Variants in DMD observed in about 807,000 individuals in gnomAD.
DMD encodes mutant dystrophin.
Under a neutral mutation model 330.1 loss-of-function variants are expected in DMD, and 63 were observed. That is an observed-to-expected ratio of 0.19 (90% CI 0.16 to 0.24). The LOEUF is 0.24. DMD is among the 10% of genes least tolerant of loss of function. The pLI, the probability that DMD is intolerant of heterozygous loss-of-function variation, is 1.00. For synonymous variants in DMD, 1,223 were observed against 959.8 expected, an observed-to-expected ratio of 1.27 and a Z score of -5.07; for missense variants, 3,344 against 2,684.1, an observed-to-expected ratio of 1.25 and a Z score of -5.43.
chrX:32,524,597 T>C (rs1189943473), intron 17 of DMD, among the ~76,000 whole-genome samples: 1 of 112,349 alleles, frequency 8.9e-6, no homozygotes. Flanking sequence ...ATATTGGTTA[T>C]CTCCACACAA....
chrX:32,151,937 A>G (rs2096805750), intron 44 of DMD, among the ~76,000 whole-genome samples: 2 of 112,019 alleles, frequency 1.8e-5, no homozygotes, highest in Non-Finnish European at 3.8e-5. Flanking sequence ...AGTATCTAAT[A>G]ACTGCTTCTT....
intron 4 of DMD, among the ~76,000 whole-genome samples, chrX:32,827,064 C>T (rs1429390461): frequency 1.5e-5 from 1 of 66,173 alleles, no homozygotes; most frequent in Non-Finnish European, 2.9e-5. Context: ...GCACCCCCCC[C>T]CCACACACAC....
chrX:32,567,146 G>A (rs760523142), intron 15 of DMD, among the ~76,000 whole-genome samples: 7 of 111,396 alleles, frequency 6.3e-5, no homozygotes, highest in Non-Finnish European at 1.1e-4. Context: ...TGCTCTAGTG[G>A]CTCCTTCAAT....
chrX:31,605,851 T>C (rs2077584440), intron 55 of DMD, among the ~76,000 whole-genome samples: 1 of 112,079 alleles, frequency 8.9e-6, no homozygotes, highest in Non-Finnish European at 1.9e-5. Flanking sequence ...CAGTGAAAAG[T>C]AGATTTTGGT....
intron 1 of DMD, among the ~76,000 whole-genome samples, chrX:33,295,579 G>A (rs1168609885): frequency 9.0e-6 from 1 of 111,344 alleles, no homozygotes; most frequent in Admixed American, 9.6e-5. Flanking sequence ...CAAGGTAAAT[G>A]AGTAAAAACT....
At chrX:32,687,579 A>C (rs1427747946) in intron 9 of DMD, among the ~76,000 whole-genome samples, 1 of 110,751 alleles carries the variant, frequency 9.0e-6, no homozygotes, top group African/African-American at 3.3e-5. Flanking sequence ...CAGATTAAAT[A>C]AGGCCACATA....
chrX:32,725,584 TACA>T (rs1025845633), intron 7 of DMD, among the ~76,000 whole-genome samples: 5 of 110,423 alleles, frequency 4.5e-5, no homozygotes, highest in African/African-American at 1.6e-4. Flanking sequence ...AGCAAAAGGA[TACA>T]ACAATTGCAA....
At chrX:33,013,748 T>C (rs2093744967) in intron 2 of DMD, among the ~76,000 whole-genome samples, 1 of 112,865 alleles carries the variant, frequency 8.9e-6, no homozygotes, top group African/African-American at 3.2e-5. Flanking sequence ...TTTGTCCCAG[T>C]ATCATCCTTT....
rs181284440 is a variant in DMD at position 31,479,069 on chromosome X, A to G, written c.8582T>C (p.Val2861Ala). 3.0e-5 allele frequency: 36 copies of G among 1,207,558 alleles called. No homozygotes were observed. In the East Asian group the frequency reaches 8.6e-4, roughly 29 times the overall value. The change falls in exon 58 of 79, where the codon GTA (valine) becomes GCA (alanine). Residue 2861 changes from valine (V) to alanine (A), a missense_variant. Coordinates refer to ENST00000357033, the MANE Select transcript of DMD (RefSeq NM_004006.3). ...TACAGTCTCAAGAGTACTCATGATT[A>G]CAGGTTCTTTAGTTTTCAATTCCCT... ...FKRELKTKEP[V>A]IMSTLETVRI...
chrX:32,394,916 C>CAAAACAAAAAAAAAAAAAA lies in DMD; in HGVS notation c.4234-4736_4234-4735insTTTTTTTTTTTTTTGTTTT, dbSNP rs2098030291. Among the ~76,000 whole-genome samples, 51 of 38,958 alleles carry CAAAACAAAAAAAAAAAAAA rather than the reference C, an allele frequency of 1.3e-3. 2 individuals are homozygous for CAAAACAAAAAAAAAAAAAA. Among genetic ancestry groups the CAAAACAAAAAAAAAAAAAA allele is most frequent in the East Asian group, 3.3e-3 (2 of 604 alleles). The allele number at this position is 38,958 out of a possible 115,157, so 33.8% of individuals were successfully genotyped here. Reference sequence around the variant, plus strand: ...CAAAGAAGAGCAAAAAACAAAAAAACAAAAAAAAAAAAAAAAAGAAAAGAA... The same window carrying CAAAACAAAAAAAAAAAAAA: ...CAAAGAAGAGCAAAAAACAAAAAAACAAAACAAAAAAAAAAAAAAAAAAAAAAAAAAAAAAAGAAAAGAA... On this transcript the variant is annotated intron_variant, in intron 30 of 78. Coordinates refer to ENST00000357033, the MANE Select transcript of DMD (RefSeq NM_004006.3).
intron 59 of DMD, among the ~76,000 whole-genome samples, chrX:31,453,840 G>C (rs1460136530): frequency 2.6e-5 from 1 of 37,919 alleles, no homozygotes; most frequent in African/African-American, 1.1e-4. Flanking sequence ...CAAATAAAAA[G>C]ATAGTTCATG....
chrX:32,305,701 C>A (rs1280382716), intron 42 of DMD, among the ~76,000 whole-genome samples: 1 of 111,190 alleles, frequency 9.0e-6, no homozygotes, highest in African/African-American at 3.3e-5. Context: ...CAGAAACTTA[C>A]AATTGCTCTC....
intron 1 of DMD, among the ~76,000 whole-genome samples, chrX:33,206,656 G>T (rs1278287371): frequency 9.0e-6 from 1 of 111,655 alleles, no homozygotes; most frequent in Non-Finnish European, 1.9e-5. Flanking sequence ...ATTGCTCTGT[G>T]TGTTCCGTTG....
intron 44 of DMD, among the ~76,000 whole-genome samples, chrX:32,100,091 T>C (rs912285946): frequency 8.2e-5 from 9 of 110,324 alleles, no homozygotes; most frequent in African/African-American, 3.0e-4. Context: ...CTATTTGTAA[T>C]CAAATTTGTT....
intron 1 of DMD, among the ~76,000 whole-genome samples, chrX:33,149,895 G>A (rs1047671364): frequency 5.4e-5 from 6 of 111,271 alleles, no homozygotes; most frequent in Non-Finnish European, 9.4e-5. Flanking sequence ...AAAAGTGACT[G>A]GTGTTTTAAG....
intron 44 of DMD, among the ~76,000 whole-genome samples, chrX:32,118,262 T>C (rs923765418): frequency 8.9e-6 from 1 of 112,098 alleles, no homozygotes; most frequent in African/African-American, 3.2e-5. Flanking sequence ...ATCTGTTCTA[T>C]AGCTTTCCCA....
At chrX:32,490,867 T>C (rs753913083) in intron 20 of DMD, among the ~76,000 whole-genome samples, 10 of 112,234 alleles carry the variant, frequency 8.9e-5, no homozygotes, top group Admixed American at 2.8e-4. Context: ...ATGTATCTAG[T>C]TATACTGCAT....
chrX:32,592,433 G>A (rs1405259161), intron 13 of DMD, among the ~76,000 whole-genome samples: 1 of 111,029 alleles, frequency 9.0e-6, no homozygotes, highest in African/African-American at 3.3e-5. Context: ...AGGATGACCT[G>A]CCTGCATAAA....
rs934663302 is a variant in DMD, at chrX:33,157,469, C to T, written c.31+53813G>A. ...AAAGACCCCATTTGCAAACAAAAACCACATTTTTGAAGTTCCAGAAAAGAC... is the reference window on the plus strand; with the variant it reads ...AAAGACCCCATTTGCAAACAAAAACTACATTTTTGAAGTTCCAGAAAAGAC... On this transcript the variant is annotated intron_variant, in intron 1 of 78. Transcript: ENST00000357033. Among the ~76,000 whole-genome samples the T allele has an allele frequency of 1.9e-4, 21 of 111,938 alleles. 1 individual carries two copies. The highest frequency in any genetic ancestry group is 6.5e-4 in the African/African-American group (20 of 30,812).
Sources: allele counts gnomAD v4.1 joint callset (sites outside exome capture counted in the v4.1 genomes callset), GRCh38; gene constraint gnomAD v4.1.1; transcripts MANE v1.5; gene names NCBI Gene and HGNC (gene_info 2026-07-23, HGNC 2026-07-21).